The following DHRSX variants were observed in gnomAD, a reference collection of about 807,000 sequenced individuals.
DHRSX encodes dehydrogenase/reductase X-linked.
In DHRSX, 31 loss-of-function variants were observed where a neutral mutation model predicts 34.0. That is an observed-to-expected ratio of 0.91 (90% CI 0.69 to 1.23). The LOEUF is 1.23. DHRSX is among the 50% of genes most tolerant of loss of function. DHRSX has a pLI of 0.00. For missense variants in DHRSX, 414 were observed against 428.1 expected (o/e 0.97, Z 0.29); for synonymous variants, 201 against 183.8 (o/e 1.09, Z -0.76).
At chrX:2,274,812 G>A (rs189697408) in intron 4 of DHRSX, among the ~76,000 whole-genome samples, 230 of 152,244 alleles carry the variant, frequency 1.5e-3, no homozygotes, top group African/African-American at 5.0e-3. Context: ...TTTACGGAAC[G>A]AAAGCCTGAC....
At chrX:2,275,992 T>C (rs1198894251) in intron 4 of DHRSX, among the ~76,000 whole-genome samples, 1 of 152,040 alleles carries the variant, frequency 6.6e-6, no homozygotes, top group African/African-American at 2.4e-5. Context: ...TACAGGTGTA[T>C]GCTACTATGC....
chrX:2,243,800 T>TTTGTTTG (rs1569478880), intron 5 of DHRSX, among the ~76,000 whole-genome samples: 4 of 80,600 alleles, frequency 5.0e-5, no homozygotes, highest in African/African-American at 1.8e-4. Context: ...TTTTTTTTTT[T>TTTGTTTG]TTTTTTTTTT....
At chrX:2,246,571 C>T (rs1204879941) in intron 5 of DHRSX, among the ~76,000 whole-genome samples, 1 of 149,814 alleles carries the variant, frequency 6.7e-6, no homozygotes, top group Non-Finnish European at 1.5e-5. Flanking sequence ...TGCAGTGACA[C>T]GAGATCACGC....
chrX:2,283,677 C>T lies in DHRSX; in HGVS notation c.388+7825G>A, dbSNP rs375760991. Among the ~76,000 whole-genome samples, 29 of 152,334 alleles carry T rather than the reference C, an allele frequency of 1.9e-4. 1 individual carries two copies. In the East Asian group the frequency reaches 5.2e-3, roughly 27 times the overall value. ...CCTGGGCTTCCCCGAATGAATCTTCCTTAACTCTCATGGGTCTTGTAGGTG... is the reference window on the plus strand; with the variant it reads ...CCTGGGCTTCCCCGAATGAATCTTCTTTAACTCTCATGGGTCTTGTAGGTG... On this transcript the variant is annotated intron_variant, in intron 4 of 6. Transcript: ENST00000334651.
intron 1 of DHRSX, among the ~76,000 whole-genome samples, chrX:2,451,116 C>G (rs574255379): frequency 6.6e-6 from 1 of 152,010 alleles, no homozygotes; most frequent in African/African-American, 2.4e-5. Flanking sequence ...ATTTTAGCAG[C>G]TCCCTACTCA....
At chrX:2,488,120 G>C (rs1034079900) in intron 1 of DHRSX, 1 of 152,968 alleles carries the variant, frequency 6.5e-6, no homozygotes, top group African/African-American at 2.4e-5. Flanking sequence ...TTCCCAAGCA[G>C]AAGTCGTCCG....
chrX:2,233,034 TTA>T (rs1415359304), intron 6 of DHRSX, among the ~76,000 whole-genome samples: 2 of 152,040 alleles, frequency 1.3e-5, no homozygotes, highest in African/African-American at 4.8e-5. Context: ...AAGAATGGTT[TTA>T]TACTCTTAAA....
At chrX:2,309,412 A>C (rs1010124663) in intron 3 of DHRSX, among the ~76,000 whole-genome samples, 2 of 152,204 alleles carry the variant, frequency 1.3e-5, no homozygotes, top group Non-Finnish European at 2.9e-5. Flanking sequence ...ACAGAAGAAA[A>C]AAATCATAAA....
At chrX:2,452,746 C>G (rs1172317269) in intron 1 of DHRSX, among the ~76,000 whole-genome samples, 1 of 151,964 alleles carries the variant, frequency 6.6e-6, no homozygotes, top group Non-Finnish European at 1.5e-5. Flanking sequence ...AAGGGACGGC[C>G]GTCATGTACA....
intron 5 of DHRSX, among the ~76,000 whole-genome samples, chrX:2,263,554 CT>C (rs1467044694): frequency 2.8e-5 from 4 of 140,418 alleles, no homozygotes; most frequent in African/African-American, 7.9e-5. Flanking sequence ...GCTGTTGTTA[CT>C]CCGGCTGGAG....
At chrX:2,469,292 A>G (rs2044551481) in intron 1 of DHRSX, among the ~76,000 whole-genome samples, 1 of 150,594 alleles carries the variant, frequency 6.6e-6, no homozygotes, top group Non-Finnish European at 1.5e-5. Context: ...GTACACGCTG[A>G]AGACATTCCC....
chrX:2,323,555 G>A (rs2042339001), intron 3 of DHRSX, among the ~76,000 whole-genome samples: 1 of 152,120 alleles, frequency 6.6e-6, no homozygotes, highest in Admixed American at 6.6e-5. Context: ...TGGAGGCCAG[G>A]AGTTTAAGAC....
At chrX:2,253,758 C>G (rs1363744227) in intron 5 of DHRSX, among the ~76,000 whole-genome samples, 1 of 152,168 alleles carries the variant, frequency 6.6e-6, no homozygotes, top group Non-Finnish European at 1.5e-5. Flanking sequence ...GAAGACTGAA[C>G]ATACTTTTGA....
chrX:2,236,392 G>C (rs1456447394), intron 6 of DHRSX, among the ~76,000 whole-genome samples: 1 of 152,146 alleles, frequency 6.6e-6, no homozygotes, highest in Non-Finnish European at 1.5e-5. Flanking sequence ...TGCAGGGAAA[G>C]GGTGAAGTCC....
chrX:2,459,588 A>G (rs975042829), intron 1 of DHRSX, among the ~76,000 whole-genome samples: 2 of 148,748 alleles, frequency 1.3e-5, no homozygotes, highest in Admixed American at 6.8e-5. Flanking sequence ...ATACACACAC[A>G]TACAATATAT....
chrX:2,317,381 A>G (rs1444536223), intron 3 of DHRSX, among the ~76,000 whole-genome samples: 1 of 151,618 alleles, frequency 6.6e-6, no homozygotes, highest in African/African-American at 2.4e-5. Context: ...TGTCCCAAGT[A>G]GCTGGGATTA....
At chrX:2,267,665 G>C (rs1438675504) in intron 4 of DHRSX, among the ~76,000 whole-genome samples, 1 of 152,064 alleles carries the variant, frequency 6.6e-6, no homozygotes, top group African/African-American at 2.4e-5. Flanking sequence ...TATTCTGGGC[G>C]GCTAGGTGTG....
At chrX:2,458,199 C>A (rs1211584995) in intron 1 of DHRSX, among the ~76,000 whole-genome samples, 2 of 148,678 alleles carry the variant, frequency 1.3e-5, no homozygotes, top group African/African-American at 4.9e-5. Context: ...GTACACACTG[C>A]AGACGTTCCC....
At chrX:2,222,640 G>A (rs935115625) in intron 6 of DHRSX, among the ~76,000 whole-genome samples, 21 of 152,180 alleles carry the variant, frequency 1.4e-4, no homozygotes, top group Non-Finnish European at 2.8e-4. Context: ...TGCTTTGGGA[G>A]AACAAGGCAG....
Sources: allele counts gnomAD v4.1 joint callset (sites outside exome capture counted in the v4.1 genomes callset), GRCh38; gene constraint gnomAD v4.1.1; transcripts MANE v1.5; gene names NCBI Gene and HGNC (gene_info 2026-07-23, HGNC 2026-07-21).